The following PCLO variants were observed in gnomAD, a reference collection of about 807,000 sequenced individuals.
PCLO encodes the protein protein piccolo.
PCLO carries 82 observed loss-of-function variants against 427.5 expected under a neutral mutation model. The observed-to-expected ratio is 0.19, with a 90% CI of 0.16 to 0.23. The LOEUF is 0.23. Ranked by LOEUF, PCLO falls within the 10% of genes least tolerant of loss-of-function variation. PCLO has a pLI of 1.00. For synonymous variants in PCLO, 2,357 were observed against 2,155.4 expected, an observed-to-expected ratio of 1.09 and a Z score of -2.59; for missense variants, 6,239 against 6,115.9, an observed-to-expected ratio of 1.02 and a Z score of -0.67.
chr7:82,929,375 C>T (rs1046862441), intron 6 of PCLO, among the ~76,000 whole-genome samples: 13 of 152,174 alleles, frequency 8.5e-5, no homozygotes, highest in Non-Finnish European at 7.4e-5. Context: ...GCCAAACTTG[C>T]GTCACTCCTA....
At chr7:83,110,281 G>A (rs533345599) in intron 3 of PCLO, among the ~76,000 whole-genome samples, 4 of 151,898 alleles carry the variant, frequency 2.6e-5, no homozygotes, top group South Asian at 2.1e-4. Context: ...ATTAAGATCC[G>A]AGAACACAGA....
chr7:82,908,835 T>A (rs756113987), intron 8 of PCLO, 42 bp downstream of exon 8: 6 of 1,568,834 alleles, frequency 3.8e-6, no homozygotes, highest in Non-Finnish European at 5.2e-6. Flanking sequence ...ACTTGAGTCT[T>A]TTTTGATAAA....
At chr7:83,091,485 T>A (rs1372349239) in intron 3 of PCLO, among the ~76,000 whole-genome samples, 1 of 152,128 alleles carries the variant, frequency 6.6e-6, no homozygotes, top group Admixed American at 6.6e-5. Context: ...AAGCCCTGAT[T>A]TTGAGAATTA....
At position 83,010,033 on chromosome 7, in the gene PCLO, C is replaced by A. The variant is rs78242705; in HGVS notation, c.3301-43546G>T. Among the ~76,000 whole-genome samples the A allele has an allele frequency of 3.2e-3, 492 of 151,976 alleles. 11 individuals carry two copies. The East Asian group carries it at 0.06, about 19-fold the overall frequency. On this transcript the variant is annotated intron_variant, in intron 3 of 24. Transcript: ENST00000333891. ...GAGCAAGTTACCTGGCCTCTTGGTGCCTCAACAAACTCCACATTACATTGT... is the reference window on the plus strand; with the variant it reads ...GAGCAAGTTACCTGGCCTCTTGGTGACTCAACAAACTCCACATTACATTGT...
intron 3 of PCLO, among the ~76,000 whole-genome samples, chr7:83,040,006 ATAT>A (rs1788932529): frequency 1.3e-5 from 2 of 152,266 alleles, no homozygotes; most frequent in African/African-American, 4.8e-5. Context: ...GATTTCAAAA[ATAT>A]TGTTATTCTG....
intron 3 of PCLO, among the ~76,000 whole-genome samples, chr7:83,079,482 T>C (rs28602760): frequency 0.024 from 3,724 of 152,112 alleles, 163 homozygotes; most frequent in African/African-American, 0.085. Context: ...GAAAAACTCT[T>C]CTTTCAGCAC....
chr7:83,160,325 T>C (rs957381774), intron 1 of PCLO, among the ~76,000 whole-genome samples: 4 of 152,168 alleles, frequency 2.6e-5, no homozygotes, highest in Non-Finnish European at 5.9e-5. Context: ...TAAAATTCTA[T>C]GTTCAATTCA....
chr7:82,755,166 C>T lies in PCLO; in HGVS notation c.*3409G>A, dbSNP rs1790290196. ...ATAAGAATCAATATCAGCTGGTTAC[C>T]AGCTATAATATTCCCACAATATGAC... On this transcript the variant is annotated 3_prime_UTR_variant, in exon 25 of 25. Transcript: ENST00000333891. 6.6e-6 allele frequency: 1 copy of T among 151,980 alleles called. No homozygotes were observed. Among genetic ancestry groups the T allele is most frequent in the Admixed American group, 6.6e-5 (1 of 15,240 alleles). 9.4% of individuals were successfully genotyped at this position (151,980 alleles called of 1,614,324 possible). A position where few individuals can be genotyped will look rare whatever the true frequency, so the allele number is the denominator to read the frequency against.
intron 2 of PCLO, among the ~76,000 whole-genome samples, chr7:83,146,715 C>T (rs945838657): frequency 2.0e-5 from 3 of 151,918 alleles, no homozygotes; most frequent in Non-Finnish European, 4.4e-5. Flanking sequence ...CCCTGCCTCA[C>T]TCAGACTCCA....
Position 82,949,623 on chromosome 7 carries a change from T to G in PCLO, c.10965A>C (p.Lys3655Asn). 1 of 1,613,902 alleles carries G rather than the reference T, an allele frequency of 6.2e-7. No homozygotes were observed. Among genetic ancestry groups the G allele is most frequent in the Non-Finnish European group, 8.5e-7 (1 of 1,179,856 alleles). Residue 3655 changes from lysine to asparagine, a missense_variant, in exon 6 of 25, where the codon AAA (lysine) becomes AAC (asparagine). Lys to Asn is a moderately conservative substitution (Grantham distance 94). This residue lies in a region of PCLO where 4,677 missense variants were observed against 4,468.4 expected (regional missense o/e 1.05). Transcript: ENST00000333891. ...CTTTAGCCATATCTGGATGCAGTACTTTCTGTGGACTTATATCATCAGGGA... is the reference window on the plus strand; with the variant it reads ...CTTTAGCCATATCTGGATGCAGTACGTTCTGTGGACTTATATCATCAGGGA... ...KPLPDDISPQ[K>N]VLHPDMAKVP...
At chr7:82,867,793 T>C (rs932308015) in intron 10 of PCLO, among the ~76,000 whole-genome samples, 2 of 152,168 alleles carry the variant, frequency 1.3e-5, no homozygotes, top group Admixed American at 6.6e-5. Flanking sequence ...ACAAAGATTA[T>C]AATGTAAGCA....
rs762106204 is a variant in PCLO, at chr7:82,902,761, A to C, written c.13438-20T>G. 4 of 1,349,480 alleles carry C rather than the reference A, an allele frequency of 3.0e-6. No individual in the cohort carries two copies. Among genetic ancestry groups the C allele is most frequent in the South Asian group, 1.2e-5 (1 of 85,000 alleles). 83.6% of individuals were successfully genotyped at this position (1,349,480 alleles called of 1,614,324 possible). On this transcript the variant is annotated intron_variant, in intron 8 of 24. Transcript: ENST00000333891. ...TATAATCTAAGACATACATGTAGTA[A>C]GGTAAAAAACCAGCATTAAAGACAC...
chr7:82,967,417 C>T lies in PCLO; in HGVS notation c.3301-930G>A, dbSNP rs553316846. Among the ~76,000 whole-genome samples the T allele has an allele frequency of 5.9e-5, 9 of 151,914 alleles. No homozygotes were observed. In the South Asian group the frequency reaches 6.2e-4, roughly 10 times the overall value. ...CTTGAACTCCCGACCTCAGGTGATCCGCCCACCTTGGCCTCCCAAAATGCT... is the reference window on the plus strand; with the variant it reads ...CTTGAACTCCCGACCTCAGGTGATCTGCCCACCTTGGCCTCCCAAAATGCT... On this transcript the variant is annotated intron_variant, in intron 3 of 24. Coordinates refer to ENST00000333891, the MANE Select transcript of PCLO (RefSeq NM_033026.6).
chr7:82,817,033 C>G (rs1791691980), intron 20 of PCLO, among the ~76,000 whole-genome samples: 1 of 151,988 alleles, frequency 6.6e-6, no homozygotes, highest in African/African-American at 2.4e-5. Context: ...TCAATCATTC[C>G]AAGAAAATGT....
In PCLO at chr7:82,956,597, A is replaced by T; in HGVS notation, c.4356T>A (p.Thr1452=). The part of the protein sequence containing the change: ...SPEQPKDQEK[T]QSLSETLEIT... ...TTTCCAAGGTTTCAGATAAACTCTG[A>T]GTTTTCTCTTGGTCTTTAGGCTGTT... Residue 1452 remains threonine (T), a synonymous_variant, in exon 5 of 25, where the codon ACT becomes ACA. Transcript: ENST00000333891. 1 of 1,613,466 alleles carries T rather than the reference A, an allele frequency of 6.2e-7. No individual in the cohort carries two copies. The highest frequency in any genetic ancestry group is 1.7e-5 in the Admixed American group (1 of 59,908).
At chr7:83,067,821 G>T (rs753911863) in intron 3 of PCLO, among the ~76,000 whole-genome samples, 10 of 150,034 alleles carry the variant, frequency 6.7e-5, no homozygotes, top group Non-Finnish European at 1.3e-4. Flanking sequence ...TTAGATTAAA[G>T]ATTGATACAA....
chr7:82,893,448 A>G (rs1057186482), intron 9 of PCLO, among the ~76,000 whole-genome samples: 1 of 152,090 alleles, frequency 6.6e-6, no homozygotes, highest in African/African-American at 2.4e-5. Flanking sequence ...GGGGAGGGAT[A>G]GCATTAGGAG....
chr7:83,135,676 A>C lies in PCLO; in HGVS notation c.1894-20T>G. 1 of 1,473,090 alleles carries C rather than the reference A, an allele frequency of 6.8e-7. No individual in the cohort carries two copies. Among genetic ancestry groups the C allele is most frequent in the Non-Finnish European group, 9.2e-7 (1 of 1,088,848 alleles). 91.3% of individuals were successfully genotyped at this position (1,473,090 alleles called of 1,614,324 possible). A position where few individuals can be genotyped will look rare whatever the true frequency, so the allele number is the denominator to read the frequency against. ...TTTTACCTACAAATAATATAAAACAATGGTCACCGAGACAATACTGTAAAA... is the reference window on the plus strand; with the variant it reads ...TTTTACCTACAAATAATATAAAACACTGGTCACCGAGACAATACTGTAAAA... On this transcript the variant is annotated intron_variant, in intron 2 of 24. Transcript: ENST00000333891.
chr7:83,031,830 C>T (rs1431992586), intron 3 of PCLO, among the ~76,000 whole-genome samples: 3 of 151,158 alleles, frequency 2.0e-5, no homozygotes, highest in Non-Finnish European at 2.9e-5. Context: ...AAGAATAAGT[C>T]CCTCAAAGAT....
Sources: allele counts gnomAD v4.1 joint callset (sites outside exome capture counted in the v4.1 genomes callset), GRCh38; gene constraint gnomAD v4.1.1; regional missense constraint gnomAD v4.1.1; transcripts MANE v1.5; gene names NCBI Gene and HGNC (gene_info 2026-07-23, HGNC 2026-07-21).